Variants in RAPSN observed in about 807,000 individuals in gnomAD.
The protein encoded by RAPSN is receptor associated protein of the synapse.
RAPSN carries 33 observed loss-of-function variants against 45.7 expected under a neutral mutation model. The ratio of observed to expected loss-of-function variants is 0.72; its 90% confidence interval spans 0.55 to 0.97. RAPSN has a LOEUF of 0.97. Among genes scored for constraint, RAPSN ranks in the 50% least tolerant of loss-of-function variants. The pLI is 0.00. For synonymous variants in RAPSN, 244 were observed against 233.6 expected, an observed-to-expected ratio of 1.04 and a Z score of -0.40; for missense variants, 519 against 559.4, an observed-to-expected ratio of 0.93 and a Z score of 0.73.
At chr11:47,446,982 C>T (rs1327521690) in intron 2 of RAPSN, among the ~76,000 whole-genome samples, 1 of 152,136 alleles carries the variant, frequency 6.6e-6, no homozygotes, top group Non-Finnish European at 1.5e-5. Context: ...TGGCCCTCCT[C>T]CTCTCACCTC....
chr11:47,437,941 T>G lies in RAPSN; in HGVS notation c.*34A>C. 8 of 1,549,606 alleles carry G rather than the reference T, an allele frequency of 5.2e-6. No homozygotes were observed. The highest frequency in any genetic ancestry group is 7.0e-6 in the Non-Finnish European group (8 of 1,145,830). On this transcript the variant is annotated 3_prime_UTR_variant, in exon 8 of 8. Coordinates refer to ENST00000298854, the MANE Select transcript of RAPSN (RefSeq NM_005055.5). ...GCGTGCAGTGGAGAAAGAGCAGGAG[T>G]GGCGAGGAGGAAGCCCACGCCTGCT...
chr11:47,448,951 T>C lies in RAPSN; in HGVS notation c.14A>G (p.Gln5Arg). 1 of 1,614,254 alleles carries C rather than the reference T, an allele frequency of 6.2e-7. No homozygotes were observed. The highest frequency in any genetic ancestry group is 1.3e-5 in the African/African-American group (1 of 75,072). MGQD[Q>R]TKQQIEKGLQ... ...CCCCTTCTCGATCTGCTGCTTGGTC[T>C]GGTCCTGCCCCATCCTCCCCAAGCC... The change falls in exon 1 of 8, where the codon CAG (glutamine) becomes CGG (arginine). Residue 5 changes from glutamine (Q) to arginine (R), a missense_variant. Physicochemically the swap from Gln to Arg is conservative, Grantham distance 43. Coordinates refer to ENST00000298854, the MANE Select transcript of RAPSN (RefSeq NM_005055.5).
rs2076431469 is a variant in RAPSN, at chr11:47,448,808, G to A, written c.157C>T (p.His53Tyr). ...FRVLGCLVTA[H>Y]SEMGRYKEML... ...TCCTTGTAGCGGCCCATCTCCGAGT[G>A]GGCTGTGACCAGGCAGCCCAGCACG... Residue 53 changes from histidine (H) to tyrosine (Y), a missense_variant, in exon 1 of 8, where the codon CAC becomes TAC. His to Tyr is a moderately conservative substitution (Grantham distance 83). Coordinates refer to ENST00000298854, the MANE Select transcript of RAPSN (RefSeq NM_005055.5). The A allele has an allele frequency of 6.2e-7, 1 of 1,613,056 alleles. No individual in the cohort carries two copies. The highest frequency in any genetic ancestry group is 8.5e-7 in the Non-Finnish European group (1 of 1,180,016).
Position 47,438,727 on chromosome 11 carries a change from C to CGTGGTGGGCTT in RAPSN, c.1166+4_1166+5insAAGCCCACCAC. 6.4e-7 allele frequency: 1 copy of CGTGGTGGGCTT among 1,559,212 alleles called. No individual in the cohort carries two copies. Among genetic ancestry groups the CGTGGTGGGCTT allele is most frequent in the East Asian group, 2.4e-5 (1 of 42,318 alleles). On this transcript the variant is annotated splice_donor_region_variant and intron_variant, in intron 7 of 7. Coordinates refer to ENST00000298854, the MANE Select transcript of RAPSN (RefSeq NM_005055.5). ...ACCCCTGTCCACCCCCCCAGGAGCC[C>CGTGGTGGGCTT]CCACCTGAGGTGGAAGATGTGGGAG...
chr11:47,441,437 T>C (rs2076361214), intron 5 of RAPSN, 174 bp downstream of exon 5: 2 of 1,329,778 alleles, frequency 1.5e-6, no homozygotes, highest in African/African-American at 1.5e-5. Context: ...CTGTGGGTCC[T>C]AGGGCAAGTG....
At chr11:47,441,556 C>T (rs1349770768) in intron 5 of RAPSN, 55 bp downstream of exon 5, 1 of 1,598,536 alleles carries the variant, frequency 6.3e-7, no homozygotes, top group Middle Eastern at 1.7e-4. Flanking sequence ...AACCTACTGG[C>T]CCCAAGTGGG....
chr11:47,443,399 C>T lies in RAPSN; in HGVS notation c.532-585G>A, dbSNP rs151134417. 1.8e-4 allele frequency among the ~76,000 whole-genome samples: 27 copies of T among 152,296 alleles called. No homozygotes were observed. The East Asian group carries it at 4.2e-3, about 24-fold the overall frequency. Reference sequence around the variant, plus strand: ...AGCTGATGACCTCGCCTCAACTCCACGAGGAAAAGGAAGAAAATCAGGGAG... The same window carrying T: ...AGCTGATGACCTCGCCTCAACTCCATGAGGAAAAGGAAGAAAATCAGGGAG... On this transcript the variant is annotated intron_variant, in intron 2 of 7. Coordinates refer to ENST00000298854, the MANE Select transcript of RAPSN (RefSeq NM_005055.5).
intron 3 of RAPSN, 54 bp downstream of exon 3, chr11:47,442,602 G>A (rs2076373783): frequency 6.3e-7 from 1 of 1,588,250 alleles, no homozygotes; most frequent in Non-Finnish European, 8.6e-7. Flanking sequence ...CCAGGCCCCA[G>A]CCCCTGGCCC....
intron 2 of RAPSN, among the ~76,000 whole-genome samples, chr11:47,445,593 CAAA>C (rs61001294): frequency 1.4e-4 from 8 of 58,328 alleles, no homozygotes; most frequent in Non-Finnish European, 2.5e-4. Context: ...GAGACTGTCT[CAAA>C]AAAAAAAAAA....
At chr11:47,441,504 G>A (rs780391642) in intron 5 of RAPSN, 107 bp downstream of exon 5, 4 of 1,554,780 alleles carry the variant, frequency 2.6e-6, no homozygotes, top group Non-Finnish European at 3.5e-6. Flanking sequence ...CGTAGGATCA[G>A]GGTGAGGCTG....
Position 47,442,658 on chromosome 11 carries a change from C to T in RAPSN, c.688G>A (p.Glu230Lys). 1 of 1,614,108 alleles carries T rather than the reference C, an allele frequency of 6.2e-7. No individual in the cohort carries two copies. Among genetic ancestry groups the T allele is most frequent in the Non-Finnish European group, 8.5e-7 (1 of 1,180,010 alleles). Reference protein sequence around the residue: ...GRLGSAMECCEESMKIALQHG... With the variant: ...GRLGSAMECCKESMKIALQHG... ...TGCCCCCTTCCCCGCTGCCCCACCTCACAACACTCCATGGCACTGCCCAGG... is the reference window on the plus strand; with the variant it reads ...TGCCCCCTTCCCCGCTGCCCCACCTTACAACACTCCATGGCACTGCCCAGG... Residue 230 changes from glutamate to lysine, a missense_variant and splice_region_variant, in exon 3 of 8, where the codon GAG becomes AAG. Coordinates refer to ENST00000298854, the MANE Select transcript of RAPSN (RefSeq NM_005055.5).
intron 6 of RAPSN, among the ~76,000 whole-genome samples, chr11:47,439,823 C>T (rs977752175): frequency 2.7e-5 from 4 of 150,070 alleles, no homozygotes; most frequent in African/African-American, 9.8e-5. Context: ...AGTGATTCTC[C>T]TGCCTCAGCC....
chr11:47,448,926 C>A lies in RAPSN; in HGVS notation c.39G>T (p.Gly13=), dbSNP rs770689515. The A allele has an allele frequency of 6.2e-7, 1 of 1,614,234 alleles. No individual in the cohort carries two copies. The highest frequency in any genetic ancestry group is 8.5e-7 in the Non-Finnish European group (1 of 1,180,044). Residue 13 remains glycine, a synonymous_variant, in exon 1 of 8, where the codon GGG becomes GGT. Coordinates refer to ENST00000298854, the MANE Select transcript of RAPSN (RefSeq NM_005055.5). ...TCTGGTTGGACTGGTACAGCTGGAG[C>A]CCCTTCTCGATCTGCTGCTTGGTCT... ...QDQTKQQIEK[G]LQLYQSNQTE... is the part of the protein sequence containing the mutation.
At position 47,447,815 on chromosome 11, in the gene RAPSN, G is replaced by C. The variant is rs761149747; in HGVS notation, c.528C>G (p.Val176=). ...TCCCCCTGGGGTGCAGGCCCACCTT[G>C]ACCTGGGCATAGAAGCTGCCCAGGC... ...CCSLGSFYAQ[V]KDYEKALFFP... is the part of the protein sequence containing the mutation. The change falls in exon 2 of 8, where the codon GTC becomes GTG. Residue 176 remains valine (V), a synonymous_variant. Coordinates refer to ENST00000298854, the MANE Select transcript of RAPSN (RefSeq NM_005055.5). The C allele has an allele frequency of 2.2e-5, 36 of 1,611,098 alleles. No individual in the cohort carries two copies. The highest frequency in any genetic ancestry group is 3.0e-5 in the Non-Finnish European group (35 of 1,178,972).
rs1351448579 is a variant in RAPSN at position 47,448,802 on chromosome 11, C to T, written c.163G>A (p.Glu55Lys). The T allele has an allele frequency of 6.2e-7, 1 of 1,612,640 alleles. No homozygotes were observed. Among genetic ancestry groups the T allele is most frequent in the South Asian group, 1.1e-5 (1 of 91,090 alleles). Residue 55 changes from glutamate (E) to lysine (K), a missense_variant, in exon 1 of 8, where the codon GAG (glutamate) becomes AAG (lysine). Physicochemically the swap from Glu to Lys is moderately conservative, Grantham distance 56. Coordinates refer to ENST00000298854, the MANE Select transcript of RAPSN (RefSeq NM_005055.5). Reference protein sequence around the residue: ...VLGCLVTAHSEMGRYKEMLKF... With the variant: ...VLGCLVTAHSKMGRYKEMLKF... Reference sequence around the variant, plus strand: ...AGCATCTCCTTGTAGCGGCCCATCTCCGAGTGGGCTGTGACCAGGCAGCCC... The same window carrying T: ...AGCATCTCCTTGTAGCGGCCCATCTTCGAGTGGGCTGTGACCAGGCAGCCC...
At chr11:47,446,552 G>A (rs2153310645) in intron 2 of RAPSN, among the ~76,000 whole-genome samples, 1 of 152,202 alleles carries the variant, frequency 6.6e-6, no homozygotes, top group Middle Eastern at 3.4e-3. Flanking sequence ...ACTGGGGCCA[G>A]GCATTAAATC....
intron 2 of RAPSN, among the ~76,000 whole-genome samples, chr11:47,445,006 A>G (rs1249391141): frequency 6.6e-6 from 1 of 150,572 alleles, no homozygotes; most frequent in Non-Finnish European, 1.5e-5. Flanking sequence ...GGTGGACTAC[A>G]AGGTCAAGAG....
intron 3 of RAPSN, 29 bp from the exon 4 acceptor site, chr11:47,441,950 A>G: frequency 3.2e-6 from 5 of 1,546,072 alleles, no homozygotes; most frequent in Non-Finnish European, 4.3e-6. Context: ...GCTCAGGCCT[A>G]CTCCTCTGCC....
At chr11:47,440,105 T>C (rs1038993537) in intron 6 of RAPSN, among the ~76,000 whole-genome samples, 1 of 152,208 alleles carries the variant, frequency 6.6e-6, no homozygotes, top group African/African-American at 2.4e-5. Context: ...GGCTTTGTAG[T>C]TAAAACAGAC....
Sources: gnomAD v4.1 joint callset for allele counts (sites outside exome capture counted in the v4.1 genomes callset) on GRCh38, gnomAD v4.1.1 for gene constraint, MANE v1.5 for transcripts, NCBI Gene and HGNC (gene_info 2026-07-23, HGNC 2026-07-21) for gene names.